Variants in RNPC3 observed in about 807,000 individuals in gnomAD.
RNPC3 encodes the protein RNA-binding region-containing protein 3.
In RNPC3, 48 loss-of-function variants were observed where a neutral mutation model predicts 67.5. The ratio of observed to expected loss-of-function variants is 0.71; its 90% CI spans 0.56 to 0.90. RNPC3 has a LOEUF of 0.90. Among genes scored for constraint, RNPC3 ranks in the 40% least tolerant of loss-of-function variants. RNPC3 has a pLI of 0.00. For synonymous variants in RNPC3, 239 were observed against 210.3 expected (o/e 1.14, Z -1.18); for missense variants, 637 against 626.1 (o/e 1.02, Z -0.19).
rs946378588 is a variant in RNPC3, at chr1:103,545,056, A to G, written c.1161A>G (p.Glu387=). 1.3e-6 allele frequency: 2 copies of G among 1,534,280 alleles called. No homozygotes were observed. Among genetic ancestry groups the G allele is most frequent in the Non-Finnish European group, 1.7e-6 (2 of 1,145,256 alleles). ...IKEDSDEMPS[E]CISRRELEKG... ...AAGACTCTGATGAAATGCCTTCAGA[A>G]TGTATTTCTAGAAGGGAATTGGAAA... Residue 387 remains glutamate, a synonymous_variant, in exon 10 of 15, where the codon GAA becomes GAG. Coordinates refer to ENST00000423855, the MANE Select transcript of RNPC3 (RefSeq NM_017619.4).
intron 12 of RNPC3, among the ~76,000 whole-genome samples, chr1:103,547,630 G>T (rs998232765): frequency 2.0e-5 from 3 of 152,182 alleles, no homozygotes. Flanking sequence ...ATGAAGCAAT[G>T]AGTCAAAACT....
chr1:103,532,003 G>A (rs1004253033), intron 2 of RNPC3, among the ~76,000 whole-genome samples: 1 of 152,072 alleles, frequency 6.6e-6, no homozygotes, highest in Non-Finnish European at 1.5e-5. Flanking sequence ...GTTGATTTTT[G>A]TATAAGGTGA....
chr1:103,535,916 T>C (rs1183286962), intron 5 of RNPC3, among the ~76,000 whole-genome samples: 1 of 152,128 alleles, frequency 6.6e-6, no homozygotes, highest in Non-Finnish European at 1.5e-5. Flanking sequence ...ATGGGACTAA[T>C]TGAACATGTA....
Position 103,543,511 on chromosome 1 carries a change from A to G in RNPC3, c.1045+64A>G, listed in dbSNP as rs1021977568. On this transcript the variant is annotated intron_variant, in intron 9 of 14. Transcript: ENST00000423855. ...TTATTGTGTTAGAATTAAGTTTTAC[A>G]TATAATGTTTCATATTTTAGTATTT... 5.1e-6 allele frequency: 6 copies of G among 1,183,500 alleles called. No individual in the cohort carries two copies. The African/African-American group carries it at 6.4e-5, about 13-fold the overall frequency. The allele number at this position is 1,183,500 out of a possible 1,614,324, so 73.3% of individuals were successfully genotyped here.
In RNPC3 at chr1:103,536,118, A is replaced by AGTGGTAAGTGGTAAATGT; in HGVS notation, c.556-8_556-7insGTGGTAAGTGGTAAATGT. On this transcript the variant is annotated splice_region_variant and splice_polypyrimidine_tract_variant and intron_variant, in intron 5 of 14. Coordinates refer to ENST00000423855, the MANE Select transcript of RNPC3 (RefSeq NM_017619.4). ...TATATGTGAATTTAAATGTCTTACC[A>AGTGGTAAGTGGTAAATGT]CTTTAAGGTCCTTCATCTTATGAAT... The AGTGGTAAGTGGTAAATGT allele has an allele frequency of 6.5e-7, 1 of 1,527,928 alleles. No individual in the cohort carries two copies. The highest frequency in any genetic ancestry group is 8.8e-7 in the Non-Finnish European group (1 of 1,138,938). 94.6% of individuals were successfully genotyped at this position (1,527,928 alleles called of 1,614,324 possible).
At position 103,543,388 on chromosome 1, in the gene RNPC3, T is replaced by C; in HGVS notation, c.986T>C (p.Met329Thr). Residue 329 changes from methionine to threonine, a missense_variant, in exon 9 of 15, where the codon ATG (methionine) becomes ACG (threonine). Met to Thr is a moderately conservative substitution (Grantham distance 81). This residue lies in a region of RNPC3 where 536 missense variants were observed against 500.3 expected (regional missense o/e 1.07). Coordinates refer to ENST00000423855, the MANE Select transcript of RNPC3 (RefSeq NM_017619.4). ...KRIEFHISTD[M>T]PAAFKKDLEK... ...ATTGAATTCCATATATCTACCGACATGCCAGCTGCATTTAAGAAAGATTTA... is the reference window on the plus strand; with the variant it reads ...ATTGAATTCCATATATCTACCGACACGCCAGCTGCATTTAAGAAAGATTTA... 6.6e-7 allele frequency: 1 copy of C among 1,521,092 alleles called. No individual in the cohort carries two copies. The highest frequency in any genetic ancestry group is 8.8e-7 in the Non-Finnish European group (1 of 1,140,086). The allele number at this position is 1,521,092 out of a possible 1,614,324, so 94.2% of individuals were successfully genotyped here.
Position 103,525,976 on chromosome 1 carries a change from C to T in RNPC3, c.-95C>T. The stretch of plus-strand genomic sequence containing the variant: ...TTCCTGGTTTCCAGAATCCTTAGCG[C>T]GAGGCGGAAAAAATATTTCTCCCAG... On this transcript the variant is annotated 5_prime_UTR_variant, in exon 1 of 15. Transcript: ENST00000423855. The T allele has an allele frequency of 1.0e-6, 1 of 990,390 alleles. No homozygotes were observed. Among genetic ancestry groups the T allele is most frequent in the Non-Finnish European group, 1.4e-6 (1 of 691,276 alleles). The allele number at this position is 990,390 out of a possible 1,614,324, so 61.4% of individuals were successfully genotyped here.
chr1:103,526,171 TGCC>T lies in RNPC3; in HGVS notation c.103_105del (p.Pro35del). 1 of 1,551,578 alleles carries T rather than the reference TGCC, an allele frequency of 6.4e-7. No homozygotes were observed. The highest frequency in any genetic ancestry group is 8.7e-7 in the Non-Finnish European group (1 of 1,146,930). On this transcript the variant is annotated inframe_deletion, in exon 1 of 15. Transcript: ENST00000423855. ...GACCGAACCCTTCTGGTCAGGCACCTGCCGGCTGAGCTTACTGCTGAGGAGAAA... is the reference window on the plus strand; with the variant it reads ...GACCGAACCCTTCTGGTCAGGCACCTGGCTGAGCTTACTGCTGAGGAGAAA...
chr1:103,533,852 A>C lies in RNPC3; in HGVS notation c.354A>C (p.Lys118Asn). The change falls in exon 3 of 15, where the codon AAA becomes AAC. Residue 118 changes from lysine (K) to asparagine (N), a missense_variant. Lys to Asn is a moderately conservative substitution (Grantham distance 94, BLOSUM62 0). Coordinates refer to ENST00000423855, the MANE Select transcript of RNPC3 (RefSeq NM_017619.4). Reference protein sequence around the residue: ...SPCPTSGSEKKKRSDDPVEDD... With the variant: ...SPCPTSGSEKNKRSDDPVEDD... ...GTCCCACTTCAGGCTCTGAAAAAAAAAAAAGGTATGTAGATCAGTAAATCA... is the reference window on the plus strand; with the variant it reads ...GTCCCACTTCAGGCTCTGAAAAAAACAAAAGGTATGTAGATCAGTAAATCA... The C allele has an allele frequency of 6.9e-7, 1 of 1,442,062 alleles. No individual in the cohort carries two copies. Among genetic ancestry groups the C allele is most frequent in the Non-Finnish European group, 9.4e-7 (1 of 1,065,868 alleles). 89.3% of individuals were successfully genotyped at this position (1,442,062 alleles called of 1,614,324 possible). A position where few individuals can be genotyped will look rare whatever the true frequency, so the allele number is the denominator to read the frequency against.
chr1:103,539,298 G>T (rs565137340), intron 7 of RNPC3, among the ~76,000 whole-genome samples: 6 of 152,328 alleles, frequency 3.9e-5, no homozygotes, highest in Non-Finnish European at 7.3e-5. Context: ...GACTGAGTCA[G>T]TGTCCACCCA....
At chr1:103,535,820 CTA>C (rs1436418241) in intron 5 of RNPC3, among the ~76,000 whole-genome samples, 1 of 151,954 alleles carries the variant, frequency 6.6e-6, no homozygotes, top group Non-Finnish European at 1.5e-5. Flanking sequence ...ATGTATTTCT[CTA>C]TTTTATAATT....
intron 14 of RNPC3, chr1:103,552,845 A>T (rs998406727): frequency 6.6e-6 from 1 of 152,184 alleles, no homozygotes; most frequent in Non-Finnish European, 1.5e-5. Flanking sequence ...GGAGTTAAAT[A>T]TTTTTTGTCT....
intron 3 of RNPC3, 127 bp downstream of exon 3, chr1:103,533,984 C>G (rs1428253011): frequency 1.6e-6 from 1 of 627,706 alleles, no homozygotes; most frequent in Non-Finnish European, 2.8e-6. Context: ...ACAGATTTTT[C>G]CATTAAACCT....
At chr1:103,548,954 G>C (rs1047964949) in intron 12 of RNPC3, among the ~76,000 whole-genome samples, 2 of 152,082 alleles carry the variant, frequency 1.3e-5, no homozygotes, top group Admixed American at 6.6e-5. Flanking sequence ...GAGCTCGTGC[G>C]GGCAAACTGC....
At position 103,545,027 on chromosome 1, in the gene RNPC3, A is replaced by G; in HGVS notation, c.1132A>G (p.Lys378Glu). ...KPNLDITEEI[K>E]EDSDEMPSEC... is the part of the protein sequence containing the mutation. ...TAATTTGGACATCACAGAGGAGATT[A>G]AAGAAGACTCTGATGAAATGCCTTC... Residue 378 changes from lysine (K) to glutamate (E), a missense_variant, in exon 10 of 15, where the codon AAA becomes GAA. Around this residue, in one of 3 missense-constraint regions of RNPC3, gnomAD observed 536 missense variants for 500.3 expected, o/e 1.07. Transcript: ENST00000423855. The G allele has an allele frequency of 1.3e-6, 2 of 1,534,798 alleles. No homozygotes were observed. The highest frequency in any genetic ancestry group is 1.7e-6 in the Non-Finnish European group (2 of 1,145,240).
rs987366882 is a variant in RNPC3, at chr1:103,535,952, C to A, written c.556-174C>A. On this transcript the variant is annotated intron_variant, in intron 5 of 14. Coordinates refer to ENST00000423855, the MANE Select transcript of RNPC3 (RefSeq NM_017619.4). ...GAATTGACATTTTAGGAAGGTTAAT[C>A]TGAGATATACTAATGCCTTGTTTTA... Among the ~76,000 whole-genome samples, 3 of 152,142 alleles carry A rather than the reference C, an allele frequency of 2.0e-5. No homozygotes were observed. The South Asian group carries it at 6.2e-4, about 32-fold the overall frequency.
chr1:103,542,212 G>A (rs1360412776), intron 8 of RNPC3, among the ~76,000 whole-genome samples: 1 of 152,006 alleles, frequency 6.6e-6, no homozygotes, highest in African/African-American at 2.4e-5. Context: ...GAAAAGAGAG[G>A]TCACAGCCAG....
intron 7 of RNPC3, among the ~76,000 whole-genome samples, chr1:103,541,085 A>G (rs1423496010): frequency 6.6e-6 from 1 of 152,166 alleles, no homozygotes; most frequent in Non-Finnish European, 1.5e-5. Flanking sequence ...GATGAAACAT[A>G]CATTTTAAAA....
At chr1:103,550,835 A>G in intron 12 of RNPC3, 106 bp from the exon 13 acceptor site, 1 of 1,070,776 alleles carries the variant, frequency 9.3e-7, no homozygotes. Context: ...CCTATCAAAT[A>G]GTGTAGTCAC....
Sources: allele counts gnomAD v4.1 joint callset (sites outside exome capture counted in the v4.1 genomes callset), GRCh38; gene constraint gnomAD v4.1.1; regional missense constraint gnomAD v4.1.1; transcripts MANE v1.5; gene names NCBI Gene and HGNC (gene_info 2026-07-23, HGNC 2026-07-21).